The following FAT4 variants were observed in gnomAD, a reference collection of about 807,000 sequenced individuals.
The protein encoded by FAT4 is FAT atypical cadherin 4, also known as protocadherin Fat 4.
In FAT4, 84 loss-of-function variants were observed where a neutral mutation model predicts 303.9. The observed-to-expected ratio is 0.28, with a 90% CI of 0.23 to 0.33. FAT4 has a LOEUF of 0.33. Among genes scored for constraint, FAT4 ranks in the 10% least tolerant of loss-of-function variants. The probability of loss-of-function intolerance (pLI) is 1.00; values close to 1 mark genes in which losing one functional copy is unlikely to be tolerated. For synonymous variants in FAT4, 2,307 were observed against 2,298.8 expected (o/e 1.00, Z -0.10); for missense variants, 6,005 against 6,146.8 (o/e 0.98, Z 0.77).
chr4:125,431,961 C>G (rs971062065), intron 7 of FAT4, among the ~76,000 whole-genome samples: 1 of 152,054 alleles, frequency 6.6e-6, no homozygotes, highest in Admixed American at 6.6e-5. Flanking sequence ...GAAATTTAAG[C>G]CAAACATTGG....
chr4:125,424,455 C>T (rs1181635317), intron 7 of FAT4, among the ~76,000 whole-genome samples: 1 of 152,094 alleles, frequency 6.6e-6, no homozygotes, highest in Non-Finnish European at 1.5e-5. Context: ...TGAGGCCTCC[C>T]CAGCTCTGGG....
intron 2 of FAT4, chr4:125,393,850 A>G: frequency 1.4e-6 from 1 of 691,752 alleles, no homozygotes; most frequent in Non-Finnish European, 2.7e-6. Context: ...GTTTGTCTCT[A>G]AATAAAATTA....
intron 2 of FAT4, among the ~76,000 whole-genome samples, chr4:125,346,744 T>G (rs1732018398): frequency 6.6e-6 from 1 of 151,994 alleles, no homozygotes; most frequent in Non-Finnish European, 1.5e-5. Context: ...ATGGGAAGAC[T>G]AACTCTGGCC....
At chr4:125,371,143 C>T (rs1327298417) in intron 2 of FAT4, among the ~76,000 whole-genome samples, 4 of 100,124 alleles carry the variant, frequency 4.0e-5, no homozygotes, top group Admixed American at 2.4e-4. Flanking sequence ...AGCTAAACTC[C>T]ATCTCAAAAA....
At chr4:125,488,135 C>G (rs1459769929) in intron 17 of FAT4, among the ~76,000 whole-genome samples, 1 of 152,108 alleles carries the variant, frequency 6.6e-6, no homozygotes, top group South Asian at 2.1e-4. Context: ...ATACATAAAT[C>G]TGAATGATGA....
chr4:125,341,492 T>C (rs556328778), intron 2 of FAT4, among the ~76,000 whole-genome samples: 1 of 152,198 alleles, frequency 6.6e-6, no homozygotes, highest in East Asian at 1.9e-4. Flanking sequence ...TATAGTAATG[T>C]CCATTTGTAA....
chr4:125,489,379 C>A (rs1369806154), intron 17 of FAT4, among the ~76,000 whole-genome samples: 1 of 152,126 alleles, frequency 6.6e-6, no homozygotes, highest in Non-Finnish European at 1.5e-5. Context: ...TTTAGAGGCC[C>A]ACAAACCATT....
chr4:125,427,891 T>G (rs2126038498), intron 7 of FAT4, among the ~76,000 whole-genome samples: 1 of 152,352 alleles, frequency 6.6e-6, no homozygotes, highest in Non-Finnish European at 1.5e-5. Context: ...TTATAAAAAA[T>G]ATAATCTTCC....
intron 15 of FAT4, 42 bp downstream of exon 15, chr4:125,479,907 TA>T: frequency 6.9e-7 from 1 of 1,456,304 alleles, no homozygotes; most frequent in Non-Finnish European, 9.2e-7. Flanking sequence ...TTTTAATAAC[TA>T]TGAAAAGTAA....
At chr4:125,429,509 A>G (rs975255859) in intron 7 of FAT4, among the ~76,000 whole-genome samples, 17 of 152,282 alleles carry the variant, frequency 1.1e-4, no homozygotes, top group Middle Eastern at 3.4e-3. Context: ...TAAGAATTCA[A>G]AACTGGCTCT....
intron 6 of FAT4, 137 bp downstream of exon 6, chr4:125,415,943 A>T: frequency 1.5e-6 from 1 of 663,104 alleles, no homozygotes; most frequent in South Asian, 2.4e-5. Flanking sequence ...CAGATACAGC[A>T]AATTTTGAAA....
At chr4:125,361,560 C>T (rs1732671582) in intron 2 of FAT4, among the ~76,000 whole-genome samples, 1 of 151,884 alleles carries the variant, frequency 6.6e-6, no homozygotes, top group African/African-American at 2.4e-5. Flanking sequence ...TGAGACTGTG[C>T]TAGATGATAT....
intron 2 of FAT4, among the ~76,000 whole-genome samples, chr4:125,343,591 C>G (rs1731883261): frequency 6.6e-6 from 1 of 152,082 alleles, no homozygotes; most frequent in Non-Finnish European, 1.5e-5. Context: ...TTTTAAAACT[C>G]TGAGTTCGAG....
intron 2 of FAT4, among the ~76,000 whole-genome samples, chr4:125,341,126 A>G (rs1731776181): frequency 6.6e-6 from 1 of 152,186 alleles, no homozygotes; most frequent in Non-Finnish European, 1.5e-5. Flanking sequence ...GTATAAGGCA[A>G]ACTTAACTGA....
chr4:125,405,766 T>C (rs1172145809), intron 3 of FAT4, among the ~76,000 whole-genome samples: 2 of 152,042 alleles, frequency 1.3e-5, no homozygotes, highest in Non-Finnish European at 2.9e-5. Flanking sequence ...CCTCCCAAAG[T>C]GCTGGGATTA....
At chr4:125,388,714 A>G (rs1045962396) in intron 2 of FAT4, among the ~76,000 whole-genome samples, 3 of 152,194 alleles carry the variant, frequency 2.0e-5, no homozygotes, top group Admixed American at 6.5e-5. Flanking sequence ...CCTTTGCCTT[A>G]AAATAAATCC....
chr4:125,470,787 G>C (rs1383482018), intron 12 of FAT4, among the ~76,000 whole-genome samples: 1 of 152,182 alleles, frequency 6.6e-6, no homozygotes, highest in Non-Finnish European at 1.5e-5. Context: ...CAATAAGGCT[G>C]TCTTGCTTTC....
In FAT4 at chr4:125,452,097, C is replaced by A. The variant is rs770708836; in HGVS notation, c.11087C>A (p.Thr3696Lys). 5 of 1,614,148 alleles carry A rather than the reference C, an allele frequency of 3.1e-6. No homozygotes were observed. The highest frequency in any genetic ancestry group is 2.5e-6 in the Non-Finnish European group (3 of 1,180,024). ...LSNDGVHSTV[T>K]SNIRVFFAGF... ...AATGATGGAGTTCACAGCACAGTCA[C>A]GAGCAACATCCGAGTTTTCTTTGCT... is the stretch of plus-strand genomic sequence containing the variant. The change falls in exon 10 of 18, where the codon ACG (threonine) becomes AAG (lysine). Residue 3696 changes from threonine (T) to lysine (K), a missense_variant. Coordinates refer to ENST00000394329, the MANE Select transcript of FAT4 (RefSeq NM_001291303.3).
chr4:125,409,436 A>T (rs1276393439), intron 5 of FAT4, among the ~76,000 whole-genome samples: 1 of 152,032 alleles, frequency 6.6e-6, no homozygotes, highest in African/African-American at 2.4e-5. Context: ...TTGTATTTTT[A>T]GTAGAGACGG....
Sources: allele counts gnomAD v4.1 joint callset (sites outside exome capture counted in the v4.1 genomes callset), GRCh38; gene constraint gnomAD v4.1.1; transcripts MANE v1.5; gene names NCBI Gene and HGNC (gene_info 2026-07-23, HGNC 2026-07-21).